The following FGF13 variants were observed in gnomAD, a reference collection of about 807,000 sequenced individuals.
FGF13 encodes fibroblast growth factor 13, also known as fibroblast growth factor homologous factor 2.
FGF13 carries 2 observed loss-of-function variants against 19.5 expected under a neutral mutation model. That is an observed-to-expected ratio of 0.10 (90% CI 0.04 to 0.32). FGF13 has a LOEUF of 0.32. Among genes scored for constraint, FGF13 ranks in the 10% least tolerant of loss-of-function variants. The pLI is 1.00. For synonymous variants in FGF13, 72 were observed against 76.9 expected (o/e 0.94, Z 0.33); for missense variants, 113 against 192.7 (o/e 0.59, Z 2.45).
intron 3 of FGF13, among the ~76,000 whole-genome samples, chrX:138,768,701 TTATA>T (rs72137780): frequency 4.1e-5 from 4 of 98,732 alleles, no homozygotes; most frequent in East Asian, 2.9e-4. Context: ...TAAGTATATA[TTATA>T]TATATATATA....
intron 1 of FGF13, among the ~76,000 whole-genome samples, chrX:139,132,388 T>C (rs951627021): frequency 5.3e-5 from 6 of 112,589 alleles, no homozygotes; most frequent in African/African-American, 1.9e-4. Context: ...TATTAGGATC[T>C]GCACTTCTAT....
rs1478033180 is a variant in FGF13 at position 138,632,939 on chromosome X, G to A, written c.649C>T (p.Arg217Ter). 2.5e-6 allele frequency: 3 copies of A among 1,210,521 alleles called. No individual in the cohort carries two copies. Among genetic ancestry groups the A allele is most frequent in the South Asian group, 3.5e-5 (2 of 56,858 alleles). ...TTGGTTGGGGTCCCGCTTCCAGATC[G>A]GGAGAACTCCGTGAGATCGTGCAGT... is the stretch of plus-strand genomic sequence containing the variant. Reference protein sequence around the residue: ...PSLHDLTEFSRSGSGTPTKSR... With the variant: ...PSLHDLTEFS Residue 217 changes from arginine (R) to a stop codon, truncating the protein, a stop_gained, in exon 5 of 5, where the codon CGA (arginine) becomes TGA (stop). Coordinates refer to ENST00000315930, the MANE Select transcript of FGF13 (RefSeq NM_004114.5). LOFTEE classifies it high-confidence loss of function.
intron 1 of FGF13, among the ~76,000 whole-genome samples, chrX:139,003,107 T>G (rs1033102982): frequency 2.7e-5 from 3 of 111,937 alleles, no homozygotes; most frequent in African/African-American, 9.8e-5. Context: ...ACCCTCGCGG[T>G]GAGTGTTACA....
chrX:138,673,926 T>C (rs866849229), intron 3 of FGF13, among the ~76,000 whole-genome samples: 1 of 110,805 alleles, frequency 9.0e-6, no homozygotes, highest in African/African-American at 3.3e-5. Flanking sequence ...GTGGTGGAGG[T>C]ATGAGGCCAT....
intron 3 of FGF13, among the ~76,000 whole-genome samples, chrX:138,799,434 A>C (rs1233723640): frequency 8.9e-6 from 1 of 111,878 alleles, no homozygotes; most frequent in African/African-American, 3.3e-5. Context: ...ACTGTTTGTT[A>C]TGATTTCCAT....
chrX:138,750,237 A>C (rs2090388367), intron 3 of FGF13, among the ~76,000 whole-genome samples: 1 of 111,729 alleles, frequency 9.0e-6, no homozygotes, highest in African/African-American at 3.3e-5. Flanking sequence ...TTTTTAAATA[A>C]ATAAAGGTTT....
intron 1 of FGF13, among the ~76,000 whole-genome samples, chrX:139,191,304 A>G (rs780601647): frequency 8.9e-6 from 1 of 112,441 alleles, no homozygotes; most frequent in African/African-American, 3.2e-5. Flanking sequence ...TTGTTTGGAG[A>G]CAATGGCCTC....
At chrX:138,905,041 AAAG>A (rs2091550307) in intron 1 of FGF13, among the ~76,000 whole-genome samples, 1 of 111,909 alleles carries the variant, frequency 8.9e-6, no homozygotes, top group Non-Finnish European at 1.9e-5. Context: ...TGACGGAAAG[AAAG>A]AAGAATGACT....
rs1283960660 is a variant in FGF13, at chrX:138,632,276, A to G, written c.*574T>C. The stretch of plus-strand genomic sequence containing the variant: ...TCAGATTCAACCCTGAATTTGGTTG[A>G]TTTGGATTAAGTGACGCAAAAAGTC... On this transcript the variant is annotated 3_prime_UTR_variant, in exon 5 of 5. Transcript: ENST00000315930. The G allele has an allele frequency of 8.9e-6, 1 of 111,906 alleles. No individual in the cohort carries two copies. Among genetic ancestry groups the G allele is most frequent in the Non-Finnish European group, 1.9e-5 (1 of 53,087 alleles). The allele number at this position is 111,906 out of a possible 1,213,427, so 9.2% of individuals were successfully genotyped here.
intron 1 of FGF13, among the ~76,000 whole-genome samples, chrX:138,895,829 T>A (rs2091501383): frequency 9.0e-6 from 1 of 111,694 alleles, no homozygotes; most frequent in Non-Finnish European, 1.9e-5. Flanking sequence ...CCACAAAATA[T>A]AAGGAAATTT....
intron 3 of FGF13, among the ~76,000 whole-genome samples, chrX:138,746,431 T>C (rs1312780781): frequency 9.0e-6 from 1 of 111,186 alleles, no homozygotes; most frequent in Non-Finnish European, 1.9e-5. Flanking sequence ...AAAAAAATAG[T>C]TCTATTGACC....
intron 1 of FGF13, among the ~76,000 whole-genome samples, chrX:139,163,397 T>G (rs2084052429): frequency 9.2e-6 from 1 of 108,744 alleles, no homozygotes; most frequent in Non-Finnish European, 1.9e-5. Flanking sequence ...TGTCAGGGGG[T>G]GGGGGCCTAG....
chrX:138,763,698 C>T, intron 3 of FGF13, among the ~76,000 whole-genome samples: 1 of 111,738 alleles, frequency 8.9e-6, no homozygotes, highest in Non-Finnish European at 1.9e-5. Flanking sequence ...GTGCACTACC[C>T]CCTGCCCGCC....
chrX:138,958,668 G>T (rs1386914757), intron 1 of FGF13, among the ~76,000 whole-genome samples: 1 of 111,612 alleles, frequency 9.0e-6, no homozygotes, highest in East Asian at 2.8e-4. Flanking sequence ...TTTTTAGTTG[G>T]TAGGCTATTA....
At chrX:138,761,666 T>A (rs1432213854) in intron 3 of FGF13, among the ~76,000 whole-genome samples, 1 of 111,826 alleles carries the variant, frequency 8.9e-6, no homozygotes, top group Non-Finnish European at 1.9e-5. Flanking sequence ...CCATCATCAG[T>A]GTCCATCATG....
At chrX:138,785,242 T>C (rs2090683218) in intron 3 of FGF13, among the ~76,000 whole-genome samples, 1 of 110,551 alleles carries the variant, frequency 9.0e-6, no homozygotes, top group Non-Finnish European at 1.9e-5. Context: ...TCTCAAGGGC[T>C]TTCCTCTCTT....
At chrX:138,989,924 G>T (rs1452898209) in intron 1 of FGF13, among the ~76,000 whole-genome samples, 1 of 111,373 alleles carries the variant, frequency 9.0e-6, no homozygotes, top group Non-Finnish European at 1.9e-5. Flanking sequence ...CCCCAAATAA[G>T]CTATAATATC....
chrX:138,630,183 G>C lies in FGF13; in HGVS notation c.*2667C>G, dbSNP rs917355853. The C allele has an allele frequency of 2.7e-5, 3 of 110,679 alleles. No homozygotes were observed. Among genetic ancestry groups the C allele is most frequent in the Non-Finnish European group, 5.7e-5 (3 of 52,941 alleles). The allele number at this position is 110,679 out of a possible 1,213,427, so 9.1% of individuals were successfully genotyped here. On this transcript the variant is annotated 3_prime_UTR_variant, in exon 5 of 5. Transcript: ENST00000315930. ...TTAAGGCAGCTCAAAAAGAATGCTGGGGGTAAAGGATTCTTCCTGGGCATT... is the reference window on the plus strand; with the variant it reads ...TTAAGGCAGCTCAAAAAGAATGCTGCGGGTAAAGGATTCTTCCTGGGCATT...
chrX:138,766,727 A>G (rs188788968), intron 3 of FGF13, among the ~76,000 whole-genome samples: 8 of 111,974 alleles, frequency 7.1e-5, no homozygotes, highest in African/African-American at 2.3e-4. Context: ...ACATGCCTGC[A>G]AAGAGACCAA....
Sources: gnomAD v4.1 joint callset for allele counts (sites outside exome capture counted in the v4.1 genomes callset) on GRCh38, gnomAD v4.1.1 for gene constraint, MANE v1.5 for transcripts, NCBI Gene and HGNC (gene_info 2026-07-23, HGNC 2026-07-21) for gene names.